LACTB2: variants seen among roughly 807,000 people sequenced by gnomAD.
LACTB2 encodes lactamase beta 2, also known as endoribonuclease LACTB2.
A neutral mutation model predicts 34.8 loss-of-function variants in LACTB2; 32 were observed. The observed-to-expected ratio is 0.92, with a 90% CI of 0.69 to 1.24. LACTB2 has a LOEUF of 1.24. Ranked by LOEUF, LACTB2 falls within the 50% of genes most tolerant of loss-of-function variation. The probability of loss-of-function intolerance (pLI) is 0.00; values close to 1 mark genes in which losing one functional copy is unlikely to be tolerated. For missense variants in LACTB2, 320 were observed against 345.0 expected (o/e 0.93, Z 0.57); for synonymous variants, 120 against 117.5 (o/e 1.02, Z -0.14).
chr8:70,646,260 ACAGG>A (rs1818262735), intron 3 of LACTB2: 1 of 152,250 alleles, frequency 6.6e-6, no homozygotes, highest in Non-Finnish European at 1.5e-5. Flanking sequence ...ATCAGAGTGA[ACAGG>A]CAACCTACAG....
intron 3 of LACTB2, among the ~76,000 whole-genome samples, chr8:70,652,081 T>C (rs1818350331): frequency 6.6e-6 from 1 of 152,212 alleles, no homozygotes; most frequent in African/African-American, 2.4e-5. Context: ...TTTTCTACTT[T>C]TTACTGCAAG....
At chr8:70,664,707 G>A (rs1306208722) in intron 1 of LACTB2, among the ~76,000 whole-genome samples, 1 of 152,128 alleles carries the variant, frequency 6.6e-6, no homozygotes, top group African/African-American at 2.4e-5. Flanking sequence ...AAGTCACACT[G>A]ATAACATATG....
intron 3 of LACTB2, among the ~76,000 whole-genome samples, chr8:70,653,322 A>G (rs1010363074): frequency 2.0e-5 from 3 of 152,150 alleles, no homozygotes; most frequent in Non-Finnish European, 4.4e-5. Context: ...CATGTTACCC[A>G]GGCTAGTCTC....
rs777806428 is a variant in LACTB2, at chr8:70,657,428, ATT to A, written c.413+326_413+327del. On this transcript the variant is annotated intron_variant, in intron 3 of 6. Coordinates refer to ENST00000276590, the MANE Select transcript of LACTB2 (RefSeq NM_016027.3). ...ACCAGCACATATGCACAGATCTTCT[ATT>A]TTTTTTTTTTTTTTTTTTTGAGACA... is the stretch of plus-strand genomic sequence containing the variant. 2.1e-3 allele frequency among the ~76,000 whole-genome samples: 245 copies of A among 115,800 alleles called. 1 individual carries two copies. The highest frequency in any genetic ancestry group is 7.4e-3 in the African/African-American group (229 of 31,046). The allele number at this position is 115,800 out of a possible 152,430, so 76.0% of individuals were successfully genotyped here.
intron 2 of LACTB2, chr8:70,661,265 GAT>G (rs927943370): frequency 1.8e-5 from 6 of 336,858 alleles, no homozygotes; most frequent in African/African-American, 4.3e-5. Flanking sequence ...GAAATAAAGA[GAT>G]AGAAAATGTC....
At chr8:70,638,032 TATTTTTG>T (rs1818145589) in intron 6 of LACTB2, 129 bp from the exon 7 acceptor site, 3 of 480,656 alleles carry the variant, frequency 6.2e-6, no homozygotes, top group Non-Finnish European at 1.1e-5. Context: ...TAAAGTTGGG[TATTTTTG>T]GTACATGTAA....
intron 2 of LACTB2, chr8:70,660,971 G>A (rs1207520976): frequency 4.4e-6 from 2 of 454,336 alleles, no homozygotes; most frequent in South Asian, 1.6e-5. Context: ...GTAGAGACAG[G>A]GTCTTGCTAT....
intron 2 of LACTB2, chr8:70,661,211 T>G: frequency 2.8e-6 from 1 of 356,320 alleles, no homozygotes; most frequent in South Asian, 2.1e-5. Flanking sequence ...CTGGAATATT[T>G]AATGAATGAA....
Position 70,637,845 on chromosome 8 carries a change from T to A in LACTB2, c.*15A>T. ...TCTGAAAGCAAAATAAAACAAAGCT[T>A]TCTTTAATCTGAAACTAAAGATGAG... On this transcript the variant is annotated 3_prime_UTR_variant, in exon 7 of 7. Coordinates refer to ENST00000276590, the MANE Select transcript of LACTB2 (RefSeq NM_016027.3). 2 of 1,516,172 alleles carry A rather than the reference T, an allele frequency of 1.3e-6. No individual in the cohort carries two copies. The highest frequency in any genetic ancestry group is 1.8e-6 in the Non-Finnish European group (2 of 1,119,892). The allele number at this position is 1,516,172 out of a possible 1,614,324, so 93.9% of individuals were successfully genotyped here.
chr8:70,654,132 A>G (rs906522706), intron 3 of LACTB2, among the ~76,000 whole-genome samples: 1 of 152,220 alleles, frequency 6.6e-6, no homozygotes, highest in African/African-American at 2.4e-5. Flanking sequence ...AATAAAATTT[A>G]TACAAAAGCT....
At position 70,668,985 on chromosome 8, in the gene LACTB2, A is replaced by T; in HGVS notation, c.122+14T>A. 1 of 1,573,932 alleles carries T rather than the reference A, an allele frequency of 6.4e-7. No homozygotes were observed. Among genetic ancestry groups the T allele is most frequent in the East Asian group, 2.3e-5 (1 of 43,036 alleles). ...CGGCTGCGAACGTTGGGGAGGTTGG[A>T]GAGGGACGTTTACCTGGGGCCGGTC... On this transcript the variant is annotated intron_variant, in intron 1 of 6. Coordinates refer to ENST00000276590, the MANE Select transcript of LACTB2 (RefSeq NM_016027.3).
At chr8:70,653,044 A>G (rs979337309) in intron 3 of LACTB2, among the ~76,000 whole-genome samples, 4 of 152,234 alleles carry the variant, frequency 2.6e-5, no homozygotes, top group Admixed American at 2.0e-4. Context: ...TTGAGCAAGT[A>G]GTAATATAAC....
chr8:70,643,617 C>T lies in LACTB2; in HGVS notation c.592+448G>A, dbSNP rs1345117135. Among the ~76,000 whole-genome samples the T allele has an allele frequency of 3.9e-5, 6 of 152,084 alleles. No individual in the cohort carries two copies. The East Asian group carries it at 7.7e-4, about 20-fold the overall frequency. ...GCAACTTCCACCTCCCAGGTTCAAG[C>T]GATTCTCCTGTCTCAGCCTCCCAAG... On this transcript the variant is annotated intron_variant, in intron 4 of 6. Transcript: ENST00000276590.
intron 5 of LACTB2, chr8:70,640,693 T>C: frequency 2.4e-6 from 1 of 418,794 alleles, no homozygotes; most frequent in Non-Finnish European, 3.9e-6. Context: ...TATATAAAGT[T>C]CAATGATGGC....
At chr8:70,655,044 C>T (rs528971693) in intron 3 of LACTB2, among the ~76,000 whole-genome samples, 2 of 146,284 alleles carry the variant, frequency 1.4e-5, no homozygotes, top group Admixed American at 6.8e-5. Flanking sequence ...TCCCACCCTT[C>T]CCCCCAAGTC....
In LACTB2 at chr8:70,669,081, G is replaced by C. The variant is rs755059387; in HGVS notation, c.40C>G (p.Arg14Gly). ...VLQRVERLSN[R>G]VVRVLGCNPG... ...TTACAGCCCAACACACGCACGACTCGATTGGACAGCCGCTCGACGCGCTGC... is the reference window on the plus strand; with the variant it reads ...TTACAGCCCAACACACGCACGACTCCATTGGACAGCCGCTCGACGCGCTGC... The change falls in exon 1 of 7, where the codon CGA becomes GGA. Residue 14 changes from arginine to glycine, a missense_variant. Coordinates refer to ENST00000276590, the MANE Select transcript of LACTB2 (RefSeq NM_016027.3). 7.4e-6 allele frequency: 12 copies of C among 1,612,816 alleles called. No individual in the cohort carries two copies. The highest frequency in any genetic ancestry group is 1.0e-5 in the Non-Finnish European group (12 of 1,179,588).
intron 3 of LACTB2, among the ~76,000 whole-genome samples, chr8:70,655,710 C>T (rs1004840036): frequency 1.2e-4 from 19 of 152,288 alleles, no homozygotes; most frequent in Non-Finnish European, 2.4e-4. Flanking sequence ...TCTGGGTAGA[C>T]ACCCAGTAGC....
chr8:70,640,272 C>T (rs1266651919), intron 5 of LACTB2, among the ~76,000 whole-genome samples: 3 of 152,140 alleles, frequency 2.0e-5, no homozygotes, highest in Admixed American at 6.6e-5. Context: ...CAAAAGCTTA[C>T]ATTTTTAACC....
intron 5 of LACTB2, among the ~76,000 whole-genome samples, chr8:70,639,247 C>T (rs2132066735): frequency 6.6e-6 from 1 of 152,064 alleles, no homozygotes; most frequent in East Asian, 1.9e-4. Context: ...GCAACCTCCA[C>T]CTCCCAGGTT....
Sources: gnomAD v4.1 joint callset for allele counts (sites outside exome capture counted in the v4.1 genomes callset) on GRCh38, gnomAD v4.1.1 for gene constraint, MANE v1.5 for transcripts, NCBI Gene and HGNC (gene_info 2026-07-23, HGNC 2026-07-21) for gene names.